Variants in FAHD1 observed in about 807,000 individuals in gnomAD.
FAHD1 encodes FAH domain containing oxaloacetate decarboxylase 1, also known as oxaloacetate tautomerase FAHD1, mitochondrial.
A neutral mutation model predicts 12.7 loss-of-function variants in FAHD1; 14 were observed. The ratio of observed to expected loss-of-function variants is 1.10; its 90% CI spans 0.73 to 1.72. The LOEUF is 1.72. FAHD1 is among the 40% of genes most tolerant of loss of function. The pLI is 0.00. For missense variants in FAHD1, 351 were observed against 298.9 expected, an observed-to-expected ratio of 1.17 and a Z score of -1.29; for synonymous variants, 153 against 124.9, an observed-to-expected ratio of 1.22 and a Z score of -1.50.
At chr16:1,838,196 C>A in intron 2 of FAHD1, 1 of 466,300 alleles carries the variant, frequency 2.1e-6, no homozygotes, top group South Asian at 5.2e-5. Flanking sequence ...GACAGGGTCT[C>A]ACTATGTTGC....
chr16:1,829,835 C>G (rs1372596475), downstream of FAHD1, among the ~76,000 whole-genome samples: 3 of 151,980 alleles, frequency 2.0e-5, no homozygotes, highest in Non-Finnish European at 4.4e-5. Context: ...AGAGTTTGCT[C>G]ATACCATACA....
intron 2 of FAHD1, chr16:1,839,249 A>T: frequency 6.4e-7 from 1 of 1,567,896 alleles, no homozygotes; most frequent in African/African-American, 1.4e-5. Context: ...CCTTTTTGCT[A>T]TTTACCGTGC....
chr16:1,838,025 C>A, exon 2 of FAHD1: 3 of 1,374,034 alleles, frequency 2.2e-6, no homozygotes, highest in South Asian at 1.6e-5. Context: ...GAGACAGGGT[C>A]TCACTCTGTC....
chr16:1,837,115 G>A lies in FAHD1; in HGVS notation c.628-901G>A, dbSNP rs145589789. Among the ~76,000 whole-genome samples, 424 of 152,108 alleles carry A rather than the reference G, an allele frequency of 2.8e-3. 1 individual carries two copies. Among genetic ancestry groups the A allele is most frequent in the Non-Finnish European group, 4.3e-3 (293 of 67,982 alleles). ...TCTGACACCTTGAACACAAAGACTC[G>A]AGGATCCTCCAACACTGAAGTGCCT... is the stretch of plus-strand genomic sequence containing the variant. On this transcript the variant is annotated intron_variant, in intron 1 of 2. Coordinates refer to the FAHD1 transcript ENST00000382666.
chr16:1,834,222 T>G, intron 1 of FAHD1: 1 of 1,162,926 alleles, frequency 8.6e-7, no homozygotes, highest in Non-Finnish European at 1.3e-6. Flanking sequence ...TTAAAACTCT[T>G]ATACTTTTCC....
chr16:1,838,574 G>C (rs1276385711), intron 2 of FAHD1, among the ~76,000 whole-genome samples: 1 of 152,124 alleles, frequency 6.6e-6, no homozygotes, highest in Non-Finnish European at 1.5e-5. Context: ...AACTGAGTAG[G>C]TGAAACACAG....
At chr16:1,827,500 A>G (rs1207481730) in exon 1 of FAHD1, 4 of 1,612,888 alleles carry the variant, frequency 2.5e-6, no homozygotes, top group Non-Finnish European at 3.4e-6. Flanking sequence ...GGCTGCGGCC[A>G]TGGACTACGT....
chr16:1,834,390 G>C, intron 1 of FAHD1: 1 of 1,282,346 alleles, frequency 7.8e-7, no homozygotes, highest in African/African-American at 1.5e-5. Context: ...CAGAAAAAGA[G>C]ACAAAAGGTT....
At chr16:1,827,512 G>A in exon 1 of FAHD1, 2 of 1,613,042 alleles carry the variant, frequency 1.2e-6, no homozygotes, top group Non-Finnish European at 1.7e-6. Context: ...GGACTACGTG[G>A]GCGGCTATGC....
At chr16:1,834,186 AAATT>A (rs1204098940) in intron 1 of FAHD1, 4 of 810,152 alleles carry the variant, frequency 4.9e-6, no homozygotes, top group African/African-American at 1.7e-5. Context: ...CATAATTTTC[AAATT>A]AATATTCCAT....
At chr16:1,834,364 G>A (rs769160829) in intron 1 of FAHD1, 9 of 1,534,970 alleles carry the variant, frequency 5.9e-6, no homozygotes, top group Middle Eastern at 1.7e-4. Context: ...GTGATAGAAC[G>A]AACTGCGAGG....
At chr16:1,830,408 T>C (rs1898598563), downstream of FAHD1, among the ~76,000 whole-genome samples, 1 of 152,220 alleles carries the variant, frequency 6.6e-6, no homozygotes, top group Admixed American at 6.5e-5. Context: ...ATGCTGGAAG[T>C]GTATTATTAG....
intron 1 of FAHD1, chr16:1,834,371 G>T: frequency 1.3e-6 from 2 of 1,484,374 alleles, no homozygotes; most frequent in Non-Finnish European, 1.9e-6. Context: ...AACGAACTGC[G>T]AGGAGAAACA....
At chr16:1,834,235 A>G in intron 1 of FAHD1, 2 of 1,296,816 alleles carry the variant, frequency 1.5e-6, no homozygotes, top group Non-Finnish European at 2.2e-6. Flanking sequence ...ACTTTTCCAG[A>G]GTTCAAAATG....
At chr16:1,837,621 C>T in intron 1 of FAHD1, 1 of 475,820 alleles carries the variant, frequency 2.1e-6, no homozygotes, top group Non-Finnish European at 3.8e-6. Context: ...TGAAAAAACC[C>T]CTGGCTATTT....
intron 1 of FAHD1, among the ~76,000 whole-genome samples, chr16:1,836,980 T>G (rs12325218): frequency 0.18 from 27,054 of 152,066 alleles, 2,568 homozygotes; most frequent in South Asian, 0.27. Context: ...GTGAAGCAAC[T>G]AGGCTGGCTG....
At chr16:1,831,792 G>A (rs923706477), downstream of FAHD1, among the ~76,000 whole-genome samples, 2 of 152,124 alleles carry the variant, frequency 1.3e-5, no homozygotes, top group African/African-American at 2.4e-5. Context: ...TCACAGGAGC[G>A]TGAACCCTTT....
exon 1 of FAHD1, chr16:1,828,122 A>T: frequency 2.0e-6 from 2 of 991,182 alleles, no homozygotes; most frequent in Non-Finnish European, 2.7e-6. Context: ...TCTACTAAAA[A>T]TACAAAAAAT....
downstream of FAHD1, among the ~76,000 whole-genome samples, chr16:1,830,544 G>A (rs937610457): frequency 5.9e-5 from 9 of 152,202 alleles, no homozygotes; most frequent in Non-Finnish European, 1.0e-4. Context: ...CCAGCACCGA[G>A]TACAGTGCCC....
Sources: allele counts gnomAD v4.1 joint callset (sites outside exome capture counted in the v4.1 genomes callset), GRCh38; gene constraint gnomAD v4.1.1; transcripts MANE v1.5; gene names NCBI Gene and HGNC (gene_info 2026-07-23, HGNC 2026-07-21).